Variants in OPRM1 observed in about 807,000 individuals in gnomAD.
OPRM1 encodes the protein mu-type opioid receptor.
Under a neutral mutation model 31.8 loss-of-function variants are expected in OPRM1, and 27 were observed. That is an observed-to-expected ratio of 0.85 (90% confidence interval 0.63 to 1.17). The LOEUF (loss-of-function observed/expected upper bound fraction) is 1.17, where lower values mean the gene tolerates loss of function less well. OPRM1 is among the 50% of genes most tolerant of loss of function. The probability of loss-of-function intolerance (pLI) is 0.00; values close to 1 mark genes in which losing one functional copy is unlikely to be tolerated. For synonymous variants in OPRM1, 196 were observed against 189.9 expected (o/e 1.03, Z -0.26); for missense variants, 536 against 511.1 (o/e 1.05, Z -0.47).
chr6:154,137,728 T>A (rs1411840871), intron 3 of OPRM1, among the ~76,000 whole-genome samples: 3 of 152,154 alleles, frequency 2.0e-5, no homozygotes, highest in African/African-American at 7.2e-5. Flanking sequence ...CCATGAGAGT[T>A]CAGAAGGAAA....
chr6:154,099,365 G>GAGAGAA (rs1794028414), intron 3 of OPRM1, among the ~76,000 whole-genome samples: 2 of 144,722 alleles, frequency 1.4e-5, no homozygotes, highest in Admixed American at 7.0e-5. Context: ...GAGAGAGAGA[G>GAGAGAA]AGAAAGAAAG....
chr6:154,020,011 G>A (rs914840426), intron 1 of OPRM1, among the ~76,000 whole-genome samples: 2 of 152,112 alleles, frequency 1.3e-5, no homozygotes, highest in Non-Finnish European at 2.9e-5. Context: ...TGGGATTATA[G>A]GTGTGAGCCA....
chr6:154,199,903 T>G (rs1319792051), intron 3 of OPRM1: 1 of 1,614,214 alleles, frequency 6.2e-7, no homozygotes, highest in Non-Finnish European at 8.5e-7. Context: ...AACTGTTAAC[T>G]GTGTCAGGCA....
At chr6:154,099,982 T>C (rs1794317906) in intron 3 of OPRM1, among the ~76,000 whole-genome samples, 2 of 140,238 alleles carry the variant, frequency 1.4e-5, no homozygotes, top group South Asian at 4.4e-4. Flanking sequence ...ATATATATCA[T>C]AACATATTAT....
At chr6:154,043,503 T>C (rs1485620066) in intron 1 of OPRM1, among the ~76,000 whole-genome samples, 6 of 151,350 alleles carry the variant, frequency 4.0e-5, no homozygotes, top group Admixed American at 1.3e-4. Flanking sequence ...ACAATAATGT[T>C]TTATCTAATA....
intron 1 of OPRM1, chr6:154,011,025 T>C (rs1349237948): frequency 1.6e-6 from 2 of 1,290,026 alleles, no homozygotes; most frequent in East Asian, 1.1e-4. Context: ...CAGGGTAGGG[T>C]ACAGCTCATT....
intron 1 of OPRM1, among the ~76,000 whole-genome samples, chr6:154,040,344 A>G (rs1385573789): frequency 1.3e-5 from 2 of 150,872 alleles, no homozygotes; most frequent in Non-Finnish European, 3.0e-5. Context: ...CAACTTTCCT[A>G]CTCCTGCTGG....
rs57493678 is a variant in OPRM1, at chr6:154,130,170, C to CTT, written c.*11466_*11467dup. Among the ~76,000 whole-genome samples, 4 of 71,818 alleles carry CTT rather than the reference C, an allele frequency of 5.6e-5. No homozygotes were observed. The highest frequency in any genetic ancestry group is 1.4e-4 in the African/African-American group (3 of 22,158). 47.1% of individuals were successfully genotyped at this position (71,818 alleles called of 152,430 possible). Reference sequence around the variant, plus strand: ...GATTTCATGGAAATGTTTAAATTTTCTTTTTTTTTTTTTTTTTTGATGGAG... The same window carrying CTT: ...GATTTCATGGAAATGTTTAAATTTTCTTTTTTTTTTTTTTTTTTTTGATGGAG... On this transcript the variant is annotated 3_prime_UTR_variant, in exon 4 of 4. Coordinates refer to ENST00000330432, the MANE Select transcript of OPRM1 (RefSeq NM_000914.5).
chr6:154,119,207 T>C lies in OPRM1; in HGVS notation c.*486T>C. Reference sequence around the variant, plus strand: ...TGAATCCATTATTCTATTTTAGACTTTTAACTTCACCTTAAAATTAGCATC... The same window carrying C: ...TGAATCCATTATTCTATTTTAGACTCTTAACTTCACCTTAAAATTAGCATC... On this transcript the variant is annotated 3_prime_UTR_variant, in exon 4 of 4. Transcript: ENST00000330432. 1 of 986,140 alleles carries C rather than the reference T, an allele frequency of 1.0e-6. No homozygotes were observed. The highest frequency in any genetic ancestry group is 1.2e-6 in the Non-Finnish European group (1 of 830,146). 61.1% of individuals were successfully genotyped at this position (986,140 alleles called of 1,614,324 possible).
chr6:154,241,433 A>G (rs1347524089), intron 3 of OPRM1, among the ~76,000 whole-genome samples: 1 of 152,140 alleles, frequency 6.6e-6, no homozygotes, highest in East Asian at 1.9e-4. Context: ...AAATACACCA[A>G]AAAAGTAAGC....
intron 1 of OPRM1, among the ~76,000 whole-genome samples, chr6:154,015,478 C>T (rs1047227614): frequency 3.3e-5 from 5 of 151,926 alleles, no homozygotes; most frequent in Non-Finnish European, 1.5e-5. Flanking sequence ...AAAATTAGAT[C>T]AGTCTCTTAC....
intron 3 of OPRM1, chr6:154,199,594 C>A: frequency 7.0e-7 from 1 of 1,420,792 alleles, no homozygotes. Flanking sequence ...ATTCTTGTTA[C>A]AAATTAATAT....
In OPRM1 at chr6:154,160,126, A is replaced by T. The variant is rs1002679544; in HGVS notation, c.1164+68654A>T. The T allele has an allele frequency of 3.0e-6, 3 of 989,776 alleles. No individual in the cohort carries two copies. In the African/African-American group the frequency reaches 4.9e-5, roughly 16 times the overall value. 61.3% of individuals were successfully genotyped at this position (989,776 alleles called of 1,614,324 possible). A position where few individuals can be genotyped will look rare whatever the true frequency, so the allele number is the denominator to read the frequency against. On this transcript the variant is annotated intron_variant, in intron 3 of 3. Coordinates refer to the OPRM1 transcript ENST00000337049. The stretch of plus-strand genomic sequence containing the variant: ...CATCTTTACCAACTCTTTTACAAGT[A>T]CACATATACATAAAATTACCAAAGC...
At position 154,125,273 on chromosome 6, in the gene OPRM1, A is replaced by G. The variant is rs887348790; in HGVS notation, c.*6552A>G. On this transcript the variant is annotated 3_prime_UTR_variant, in exon 4 of 4. Coordinates refer to ENST00000330432, the MANE Select transcript of OPRM1 (RefSeq NM_000914.5). The stretch of plus-strand genomic sequence containing the variant: ...TACTGACAATTTTGATGGTACCTGA[A>G]TTTGCCTCTATCATGCATCTCAATG... Among the ~76,000 whole-genome samples, 6 of 152,180 alleles carry G rather than the reference A, an allele frequency of 3.9e-5. No homozygotes were observed. Among genetic ancestry groups the G allele is most frequent in the Non-Finnish European group, 7.4e-5 (5 of 68,022 alleles).
chr6:154,087,665 C>A, intron 1 of OPRM1: 2 of 882,254 alleles, frequency 2.3e-6, no homozygotes, highest in Non-Finnish European at 2.7e-6. Context: ...ATGAGAGCAT[C>A]CTTGCCATTC....
chr6:154,159,790 TG>T (rs1233507181), intron 3 of OPRM1: 2 of 1,491,712 alleles, frequency 1.3e-6, no homozygotes, highest in Non-Finnish European at 9.3e-7. Flanking sequence ...AAGAGTTGCT[TG>T]TGATAAAATA....
chr6:154,011,007 G>T, exon 1 of OPRM1: 1 of 1,290,864 alleles, frequency 7.7e-7, no homozygotes. Context: ...TGCTGAAATA[G>T]CATGGTCCAG....
chr6:154,151,876 G>A (rs1213462947), intron 3 of OPRM1, among the ~76,000 whole-genome samples: 1 of 152,030 alleles, frequency 6.6e-6, no homozygotes, highest in Admixed American at 6.6e-5. Flanking sequence ...TGTTTGAAGA[G>A]AAACAACAAA....
rs1797427666 is a variant in OPRM1 at position 154,123,748 on chromosome 6, G to A, written c.*5027G>A. Among the ~76,000 whole-genome samples the A allele has an allele frequency of 6.6e-6, 1 of 152,200 alleles. No individual in the cohort carries two copies. Among genetic ancestry groups the A allele is most frequent in the South Asian group, 2.1e-4 (1 of 4,828 alleles). On this transcript the variant is annotated 3_prime_UTR_variant, in exon 4 of 4. Transcript: ENST00000330432. ...ACTTCCTGACATTGCCATGGCATTTGTAAACTGTCGTGGTACTGGTGGGAA... is the reference window on the plus strand; with the variant it reads ...ACTTCCTGACATTGCCATGGCATTTATAAACTGTCGTGGTACTGGTGGGAA...
Sources: allele counts gnomAD v4.1 joint callset (sites outside exome capture counted in the v4.1 genomes callset), GRCh38; gene constraint gnomAD v4.1.1; transcripts MANE v1.5; gene names NCBI Gene and HGNC (gene_info 2026-07-23, HGNC 2026-07-21).